The following NOX4 variants were observed in gnomAD, a reference collection of about 807,000 sequenced individuals.
NOX4 encodes the protein kidney oxidase-1.
NOX4 carries 69 observed loss-of-function variants against 87.6 expected under a neutral mutation model. The observed-to-expected ratio is 0.79, with a 90% CI of 0.65 to 0.96. The LOEUF is 0.96. NOX4 is among the 40% of genes least tolerant of loss of function. The pLI, the probability that NOX4 is intolerant of heterozygous loss-of-function variation, is 0.00. For synonymous variants in NOX4, 275 were observed against 238.2 expected (o/e 1.15, Z -1.42); for missense variants, 680 against 681.5 (o/e 1.00, Z 0.02).
At chr11:89,492,663 G>C (rs76882495), upstream of NOX4, among the ~76,000 whole-genome samples, 30 of 152,226 alleles carry the variant, frequency 2.0e-4, no homozygotes, top group East Asian at 2.1e-3. Flanking sequence ...TGAAGTTAGA[G>C]AGCATATTGT....
At chr11:89,459,594 A>G (rs1945359123) in intron 2 of NOX4, among the ~76,000 whole-genome samples, 1 of 152,118 alleles carries the variant, frequency 6.6e-6, no homozygotes, top group Non-Finnish European at 1.5e-5. Flanking sequence ...TAGGAATCCA[A>G]CTTACAAGGG....
chr11:89,554,090 A>AT, the NOX4 span, among the ~76,000 whole-genome samples: 2,332 of 148,264 alleles, frequency 0.016, 52 homozygotes, highest in African/African-American at 0.05. Flanking sequence ...AAAAGGATGT[A>AT]TTTTTTTTTT....
At chr11:89,551,016 C>T in the NOX4 span, among the ~76,000 whole-genome samples, 1 of 152,122 alleles carries the variant, frequency 6.6e-6, no homozygotes, top group African/African-American at 2.4e-5. Flanking sequence ...AGCCAGTTTT[C>T]CCAAAGTCAT....
At chr11:89,342,588 T>G (rs751343174) in intron 13 of NOX4, among the ~76,000 whole-genome samples, 16 of 152,080 alleles carry the variant, frequency 1.1e-4, no homozygotes, top group Non-Finnish European at 2.2e-4. Flanking sequence ...CAATAAACAT[T>G]TTTTCAATGG....
chr11:89,499,124 T>C, upstream of NOX4: 1 of 152,052 alleles, frequency 6.6e-6, no homozygotes, highest in East Asian at 1.9e-4. Flanking sequence ...TTGTAGCTAG[T>C]TATTTTTAGC....
the NOX4 span, among the ~76,000 whole-genome samples, chr11:89,523,039 C>G: frequency 6.6e-6 from 1 of 150,440 alleles, no homozygotes; most frequent in Non-Finnish European, 1.5e-5. Context: ...TCTTTTTTTT[C>G]TTTTTTGAGA....
chr11:89,565,273 T>G, the NOX4 span, among the ~76,000 whole-genome samples: 3 of 152,014 alleles, frequency 2.0e-5, no homozygotes. Flanking sequence ...AATAATATTA[T>G]AATATTATGT....
intron 13 of NOX4, among the ~76,000 whole-genome samples, chr11:89,347,600 C>G (rs1198802192): frequency 6.6e-6 from 1 of 152,184 alleles, no homozygotes; most frequent in East Asian, 1.9e-4. Context: ...CAGATTGCCA[C>G]TCTCCCTCAA....
the NOX4 span, among the ~76,000 whole-genome samples, chr11:89,505,430 A>G: frequency 6.6e-6 from 1 of 151,874 alleles, no homozygotes; most frequent in African/African-American, 2.4e-5. Flanking sequence ...TTTTGCCATT[A>G]AAAGTAAGCG....
At chr11:89,437,650 T>TA (rs1405146105) in intron 6 of NOX4, among the ~76,000 whole-genome samples, 1 of 151,950 alleles carries the variant, frequency 6.6e-6, no homozygotes, top group African/African-American at 2.4e-5. Flanking sequence ...CCAGAGGCCA[T>TA]AAAAAAATGT....
chr11:89,556,687 GGT>G, the NOX4 span, among the ~76,000 whole-genome samples: 3 of 152,038 alleles, frequency 2.0e-5, no homozygotes, highest in African/African-American at 7.2e-5. Flanking sequence ...GAAATGGGAG[GGT>G]TACCTCAATT....
At chr11:89,508,530 T>C in the NOX4 span, among the ~76,000 whole-genome samples, 1 of 152,066 alleles carries the variant, frequency 6.6e-6, no homozygotes, top group African/African-American at 2.4e-5. Flanking sequence ...TTCTAAGCAA[T>C]GAGATAGAAC....
chr11:89,406,637 G>C (rs1163210381), intron 8 of NOX4, among the ~76,000 whole-genome samples: 1 of 152,084 alleles, frequency 6.6e-6, no homozygotes, highest in African/African-American at 2.4e-5. Context: ...AGTGGAAATG[G>C]TCTAAGTCTC....
intron 2 of NOX4, among the ~76,000 whole-genome samples, chr11:89,486,061 A>T (rs1268952789): frequency 6.6e-6 from 1 of 151,832 alleles, no homozygotes; most frequent in African/African-American, 2.4e-5. Flanking sequence ...AGCAATTAAG[A>T]TCTTATTTTT....
Position 89,402,468 on chromosome 11 carries a change from T to G in NOX4, c.704A>C (p.Gln235Pro). The change falls in exon 9 of 18, where the codon CAG becomes CCG. Residue 235 changes from glutamine to proline, a missense_variant. By Grantham distance (76) the Gln-to-Pro change is moderately conservative. Transcript: ENST00000263317. The part of the protein sequence containing the change: ...GCISLNRTSS[Q>P]NISLPEYFSE... ...GAAATACTCTGGTAAGGAAATATTC[T>G]GAGAGCTGGTTCGGTTAAGACTGAT... 1 of 1,612,496 alleles carries G rather than the reference T, an allele frequency of 6.2e-7. No homozygotes were observed. Among genetic ancestry groups the G allele is most frequent in the Non-Finnish European group, 8.5e-7 (1 of 1,179,368 alleles).
chr11:89,358,903 C>T (rs1467022664), intron 12 of NOX4, among the ~76,000 whole-genome samples: 1 of 151,766 alleles, frequency 6.6e-6, no homozygotes, highest in Non-Finnish European at 1.5e-5. Flanking sequence ...TTTCACAGGA[C>T]TTCTTAGAAG....
At chr11:89,432,094 C>A (rs1298515211) in intron 7 of NOX4, among the ~76,000 whole-genome samples, 7 of 150,982 alleles carry the variant, frequency 4.6e-5, no homozygotes, top group African/African-American at 1.7e-4. Flanking sequence ...AGCAAACTAT[C>A]GCAAGGACAA....
Position 89,491,325 on chromosome 11 carries a change from T to C in NOX4, c.-79A>G, listed in dbSNP as rs1421619894. ...GCGGCGGCCGGGGCAGCGGTTACAG[T>C]TGTGCGGCCTGCCGGGCCGCTGAGC... is the stretch of plus-strand genomic sequence containing the variant. On this transcript the variant is annotated 5_prime_UTR_variant, in exon 1 of 18. Transcript: ENST00000263317. 1 of 1,319,692 alleles carries C rather than the reference T, an allele frequency of 7.6e-7. No homozygotes were observed. Among genetic ancestry groups the C allele is most frequent in the Admixed American group, 2.4e-5 (1 of 41,458 alleles). 81.7% of individuals were successfully genotyped at this position (1,319,692 alleles called of 1,614,324 possible). A position where few individuals can be genotyped will look rare whatever the true frequency, so the allele number is the denominator to read the frequency against.
At chr11:89,587,096 A>G in the NOX4 span, among the ~76,000 whole-genome samples, 2 of 152,176 alleles carry the variant, frequency 1.3e-5, no homozygotes. Flanking sequence ...AGAAAAAATA[A>G]TCAGAATTGT....
Sources: allele counts gnomAD v4.1 joint callset (sites outside exome capture counted in the v4.1 genomes callset), GRCh38; gene constraint gnomAD v4.1.1; transcripts MANE v1.5; gene names NCBI Gene and HGNC (gene_info 2026-07-23, HGNC 2026-07-21).